RARS2: variants seen among roughly 807,000 people sequenced by gnomAD.
RARS2 encodes arginyl-tRNA synthetase 2, mitochondrial.
In RARS2, 67 loss-of-function variants were observed where a neutral mutation model predicts 88.5. The observed-to-expected ratio is 0.76, with a 90% CI of 0.62 to 0.93. RARS2 has a LOEUF of 0.93. RARS2 is among the 40% of genes least tolerant of loss of function. The pLI is 0.00. For missense variants in RARS2, 664 were observed against 684.2 expected, an observed-to-expected ratio of 0.97 and a Z score of 0.33; for synonymous variants, 239 against 230.3, an observed-to-expected ratio of 1.04 and a Z score of -0.34.
intron 1 of RARS2, among the ~76,000 whole-genome samples, chr6:87,586,985 T>C (rs1168336982): frequency 6.6e-6 from 1 of 152,086 alleles, no homozygotes; most frequent in African/African-American, 2.4e-5. Context: ...CTTGGCTCAT[T>C]GCAACCTCCA....
chr6:87,555,650 G>C, intron 4 of RARS2, 145 bp from the exon 5 acceptor site: 1 of 664,478 alleles, frequency 1.5e-6, no homozygotes, highest in Non-Finnish European at 2.7e-6. Flanking sequence ...ACTACCTCCA[G>C]CACCACTTTT....
Position 87,533,662 on chromosome 6 carries a change from T to TA in RARS2, c.613-2721dup, listed in dbSNP as rs1294979131. Among the ~76,000 whole-genome samples the TA allele has an allele frequency of 9.2e-5, 14 of 152,180 alleles. No homozygotes were observed. In the East Asian group the frequency reaches 1.7e-3, roughly 19 times the overall value. On this transcript the variant is annotated intron_variant, in intron 8 of 19. Transcript: ENST00000369536. ...ATAAACTAAATGTCTCAGACTTCCT[T>TA]AAAAAAAATTAACATTCCCTTTTCA...
chr6:87,536,451 A>G (rs563325422), intron 8 of RARS2, among the ~76,000 whole-genome samples: 1 of 152,146 alleles, frequency 6.6e-6, no homozygotes, highest in Admixed American at 6.5e-5. Flanking sequence ...CCTGGCCAAC[A>G]TGGTGAAACC....
chr6:87,535,701 G>T (rs1778928077), intron 8 of RARS2, among the ~76,000 whole-genome samples: 1 of 130,394 alleles, frequency 7.7e-6, no homozygotes, highest in African/African-American at 2.9e-5. Context: ...TTTTGAGACA[G>T]AGTCTCGCTC....
rs201214613 is a variant in RARS2, at chr6:87,529,525, T to C, written c.878+17A>G. Reference sequence around the variant, plus strand: ...AAGAACAAATAATTTTACTGAAGAATAGTAACCTGATCATACATTGTTTTC... The same window carrying C: ...AAGAACAAATAATTTTACTGAAGAACAGTAACCTGATCATACATTGTTTTC... On this transcript the variant is annotated intron_variant, in intron 10 of 19. Transcript: ENST00000369536. The C allele has an allele frequency of 1.3e-3, 1,790 of 1,413,574 alleles. 5 individuals carry two copies. Among genetic ancestry groups the C allele is most frequent in the Non-Finnish European group, 1.6e-3 (1,603 of 997,710 alleles). The allele number at this position is 1,413,574 out of a possible 1,614,324, so 87.6% of individuals were successfully genotyped here.
rs535752983 is a variant in RARS2 at position 87,571,428 on chromosome 6, T to G, written c.37-1838A>C. On this transcript the variant is annotated intron_variant, in intron 1 of 19. Coordinates refer to ENST00000369536, the MANE Select transcript of RARS2 (RefSeq NM_020320.5). ...CTTTATTAGCAGTGTGAGAACAGACTAATACACATATGTATATCCTTTCAT... is the reference window on the plus strand; with the variant it reads ...CTTTATTAGCAGTGTGAGAACAGACGAATACACATATGTATATCCTTTCAT... 3.9e-5 allele frequency among the ~76,000 whole-genome samples: 6 copies of G among 152,344 alleles called. No homozygotes were observed. The South Asian group carries it at 1.2e-3, about 32-fold the overall frequency.
At chr6:87,532,218 T>A (rs189250323) in intron 8 of RARS2, among the ~76,000 whole-genome samples, 22 of 152,320 alleles carry the variant, frequency 1.4e-4, no homozygotes, top group Middle Eastern at 3.4e-3. Flanking sequence ...AATTACCTTT[T>A]TTTTTCCCCC....
intron 1 of RARS2, among the ~76,000 whole-genome samples, chr6:87,576,274 CTTTT>C (rs55999428): frequency 3.7e-5 from 3 of 80,786 alleles, no homozygotes; most frequent in African/African-American, 5.5e-5. Context: ...ACACAAATTT[CTTTT>C]TTTTTTTTTT....
In RARS2 at chr6:87,552,756, GA is replaced by G. The variant is rs537340503; in HGVS notation, c.395+2651del. On this transcript the variant is annotated intron_variant, in intron 5 of 19. Transcript: ENST00000369536. ...GCTGGAGTAAAAAGATGGTGAAGCT[GA>G]AAAAAAAAATGCAAAAGAAGGTAAG... Among the ~76,000 whole-genome samples, 590 of 148,108 alleles carry G rather than the reference GA, an allele frequency of 4.0e-3. 3 individuals carry two copies. The highest frequency in any genetic ancestry group is 6.9e-3 in the Non-Finnish European group (462 of 66,856).
At chr6:87,587,417 A>G (rs548707155) in intron 1 of RARS2, among the ~76,000 whole-genome samples, 1 of 152,146 alleles carries the variant, frequency 6.6e-6, no homozygotes, top group Admixed American at 6.5e-5. Flanking sequence ...CAAGTTTCAG[A>G]TCATTCCCCA....
rs1775059866 is a variant in RARS2, at chr6:87,524,591, T to A, written c.940A>T (p.Met314Leu). 6.2e-7 allele frequency: 1 copy of A among 1,613,364 alleles called. No individual in the cohort carries two copies. Among genetic ancestry groups the A allele is most frequent in the African/African-American group, 1.3e-5 (1 of 74,902 alleles). Reference sequence around the variant, plus strand: ...TAGAGAGAAGTCCCATCACTTCGCATTACAGTACAAATTGAGGAGGGGTCG... The same window carrying A: ...TAGAGAGAAGTCCCATCACTTCGCAATACAGTACAAATTGAGGAGGGGTCG... ...NGDPSSICTV[M>L]RSDGTSLYAT... is the part of the protein sequence containing the mutation. Residue 314 changes from methionine to leucine, a missense_variant, in exon 11 of 20, where the codon ATG becomes TTG. Coordinates refer to ENST00000369536, the MANE Select transcript of RARS2 (RefSeq NM_020320.5).
chr6:87,515,136 A>G (rs1452474560), intron 18 of RARS2, 116 bp from the exon 19 acceptor site: 3 of 840,620 alleles, frequency 3.6e-6, no homozygotes, highest in African/African-American at 1.7e-5. Flanking sequence ...CCATTAAAGG[A>G]TGTATTCAAA....
At chr6:87,547,955 T>C (rs914310969) in intron 6 of RARS2, among the ~76,000 whole-genome samples, 2 of 152,168 alleles carry the variant, frequency 1.3e-5, no homozygotes, top group African/African-American at 4.8e-5. Flanking sequence ...TAGTCTTGTT[T>C]TAACTTCCAG....
At chr6:87,549,026 C>T (rs1394605725) in intron 5 of RARS2, among the ~76,000 whole-genome samples, 1 of 151,994 alleles carries the variant, frequency 6.6e-6, no homozygotes, top group African/African-American at 2.4e-5. Flanking sequence ...CTAGCCTGGG[C>T]AACATATCAA....
In RARS2 at chr6:87,569,977, T is replaced by C. The variant is rs190851244; in HGVS notation, c.37-387A>G. The stretch of plus-strand genomic sequence containing the variant: ...TTACTTATTTTTTTCATTAAAAAAA[T>C]TGAGTGGCTACTTAATGTGCCAGGC... On this transcript the variant is annotated intron_variant, in intron 1 of 19. Coordinates refer to ENST00000369536, the MANE Select transcript of RARS2 (RefSeq NM_020320.5). Among the ~76,000 whole-genome samples the C allele has an allele frequency of 2.7e-3, 404 of 149,082 alleles. 9 individuals are homozygous for C. The highest frequency in any genetic ancestry group is 8.3e-4 in the Non-Finnish European group (56 of 67,356).
intron 11 of RARS2, among the ~76,000 whole-genome samples, chr6:87,522,748 C>T (rs1467715052): frequency 6.6e-6 from 1 of 152,134 alleles, no homozygotes; most frequent in Non-Finnish European, 1.5e-5. Flanking sequence ...TCCTCGTCCT[C>T]CCAAAGTCCT....
At chr6:87,587,857 G>A (rs2128233057) in intron 1 of RARS2, among the ~76,000 whole-genome samples, 1 of 152,170 alleles carries the variant, frequency 6.6e-6, no homozygotes, top group South Asian at 2.1e-4. Flanking sequence ...GCTAGTTTCA[G>A]CCACCTGGGC....
chr6:87,573,469 C>T (rs1770427970), intron 1 of RARS2, among the ~76,000 whole-genome samples: 1 of 152,044 alleles, frequency 6.6e-6, no homozygotes, highest in South Asian at 2.1e-4. Context: ...AACATTCTTA[C>T]ATAATGTAAA....
chr6:87,584,684 A>T, intron 1 of RARS2: 1 of 467,544 alleles, frequency 2.1e-6, no homozygotes, highest in Non-Finnish European at 4.3e-6. Context: ...ATGCTGAGAG[A>T]CTGAAGAAAG....
Sources: gnomAD v4.1 joint callset for allele counts (sites outside exome capture counted in the v4.1 genomes callset) on GRCh38, gnomAD v4.1.1 for gene constraint, MANE v1.5 for transcripts, NCBI Gene and HGNC (gene_info 2026-07-23, HGNC 2026-07-21) for gene names.